Variants in CES5A observed in about 807,000 individuals in gnomAD.
CES5A encodes carboxylesterase 5A.
CES5A carries 67 observed loss-of-function variants against 62.9 expected under a neutral mutation model. The observed-to-expected ratio is 1.07, with a 90% CI of 0.88 to 1.31. The LOEUF (loss-of-function observed/expected upper bound fraction) is 1.31. Ranked by LOEUF, CES5A falls within the 50% of genes most tolerant of loss-of-function variation. The probability of loss-of-function intolerance (pLI) is 0.00; values close to 1 mark genes in which losing one functional copy is unlikely to be tolerated. For synonymous variants in CES5A, 296 were observed against 280.8 expected, an observed-to-expected ratio of 1.05 and a Z score of -0.54; for missense variants, 748 against 708.5, an observed-to-expected ratio of 1.06 and a Z score of -0.63.
rs2033241083 is a variant in CES5A, at chr16:55,856,291, C to A, written c.1125+86G>T. On this transcript the variant is annotated intron_variant, in intron 9 of 12. Coordinates refer to ENST00000290567, the MANE Select transcript of CES5A (RefSeq NM_001143685.2). The stretch of plus-strand genomic sequence containing the variant: ...CTGAGTGAGTGAGGAGTGTCTGTGC[C>A]CTTGGCTTCTCCTGCTGAGTGTGAC... 4.2e-6 allele frequency: 5 copies of A among 1,199,574 alleles called. No individual in the cohort carries two copies. The Admixed American group carries it at 6.8e-5, about 16-fold the overall frequency. 74.3% of individuals were successfully genotyped at this position (1,199,574 alleles called of 1,614,324 possible).
intron 1 of CES5A, among the ~76,000 whole-genome samples, chr16:55,918,604 G>T (rs1352969431): frequency 6.6e-6 from 1 of 152,038 alleles, no homozygotes; most frequent in Non-Finnish European, 1.5e-5. Context: ...TGTAATAAAG[G>T]GTGTGACTAT....
intron 1 of CES5A, among the ~76,000 whole-genome samples, chr16:55,911,217 G>A (rs1013013110): frequency 6.6e-6 from 1 of 152,100 alleles, no homozygotes; most frequent in Non-Finnish European, 1.5e-5. Flanking sequence ...CTGTGTCCCA[G>A]GTATATCTGT....
In CES5A at chr16:55,861,936, A is replaced by T. The variant is rs113828144; in HGVS notation, c.811-420T>A. 3.4e-3 allele frequency among the ~76,000 whole-genome samples: 518 copies of T among 152,232 alleles called. 7 individuals carry two copies. In the South Asian group the frequency reaches 0.035, roughly 10 times the overall value. The stretch of plus-strand genomic sequence containing the variant: ...GAGGAGCAGCTTTGGAAGCTCCTTC[A>T]TTGTCAGTACAGGCAGGACTCCAGA... On this transcript the variant is annotated intron_variant, in intron 6 of 12. Coordinates refer to ENST00000290567, the MANE Select transcript of CES5A (RefSeq NM_001143685.2).
intron 9 of CES5A, among the ~76,000 whole-genome samples, chr16:55,854,544 C>CTTTTTTTTCTTTTTTTTTTTTTTTTT (rs2033200676): frequency 1.6e-5 from 1 of 64,424 alleles, no homozygotes; most frequent in African/African-American, 7.0e-5. Flanking sequence ...TTTTTTTTTT[C>CTTTTTTTTCTTTTTTTTTTTTTTTTT]TTTTTTTTTT....
At chr16:55,850,595 G>A (rs1345649208) in intron 10 of CES5A, among the ~76,000 whole-genome samples, 7 of 152,202 alleles carry the variant, frequency 4.6e-5, no homozygotes, top group Admixed American at 3.3e-4. Context: ...TCCATTGTAA[G>A]TATATACTGA....
chr16:55,899,064 G>T (rs573368376), intron 1 of CES5A, among the ~76,000 whole-genome samples: 3 of 152,266 alleles, frequency 2.0e-5, no homozygotes, highest in Admixed American at 2.0e-4. Context: ...AACTCAGAAT[G>T]AATCCAAATA....
intron 1 of CES5A, among the ~76,000 whole-genome samples, chr16:55,916,584 C>G (rs141033281): frequency 6.6e-6 from 1 of 152,154 alleles, no homozygotes; most frequent in African/African-American, 2.4e-5. Flanking sequence ...CCACATGAGC[C>G]CCCTGGCTCT....
chr16:55,894,562 G>T (rs1274282179), intron 1 of CES5A, among the ~76,000 whole-genome samples: 1 of 151,584 alleles, frequency 6.6e-6, no homozygotes, highest in Non-Finnish European at 1.5e-5. Context: ...AGAGGATGTG[G>T]GTGACATCGA....
upstream of CES5A, among the ~76,000 whole-genome samples, chr16:55,928,616 G>A (rs191357998): frequency 3.0e-4 from 46 of 152,250 alleles, no homozygotes; most frequent in African/African-American, 8.4e-4. Flanking sequence ...AGAAGTAAAC[G>A]TCATTTTTAA....
At chr16:55,899,271 G>A (rs955376635) in intron 1 of CES5A, among the ~76,000 whole-genome samples, 9 of 152,260 alleles carry the variant, frequency 5.9e-5, no homozygotes, top group Middle Eastern at 3.4e-3. Context: ...AGATACAGGA[G>A]TCAAGAGCTT....
intron 2 of CES5A, among the ~76,000 whole-genome samples, chr16:55,930,672 T>C (rs896914378): frequency 4.6e-5 from 7 of 152,232 alleles, no homozygotes; most frequent in Non-Finnish European, 1.0e-4. Flanking sequence ...GTTCTCTTCA[T>C]GCTATGTGTT....
At chr16:55,889,178 C>A (rs1349197171) in intron 1 of CES5A, among the ~76,000 whole-genome samples, 1 of 152,056 alleles carries the variant, frequency 6.6e-6, no homozygotes, top group Non-Finnish European at 1.5e-5. Flanking sequence ...TTCTCATACA[C>A]CATTCAACGC....
chr16:55,883,989 C>T (rs950564608), intron 1 of CES5A, among the ~76,000 whole-genome samples: 1 of 152,226 alleles, frequency 6.6e-6, no homozygotes, highest in East Asian at 1.9e-4. Context: ...CTCTACATAG[C>T]AATGTCACTT....
chr16:55,894,898 GA>G (rs1471551100), intron 1 of CES5A, among the ~76,000 whole-genome samples: 2 of 152,192 alleles, frequency 1.3e-5, no homozygotes, highest in African/African-American at 4.8e-5. Context: ...ATCCTTGGGG[GA>G]AACAATAAAC....
At chr16:55,937,352 T>C (rs1318306282) in intron 2 of CES5A, among the ~76,000 whole-genome samples, 1 of 152,148 alleles carries the variant, frequency 6.6e-6, no homozygotes, top group East Asian at 1.9e-4. Flanking sequence ...CAGATTGTGC[T>C]TCAAGGCCTT....
intron 1 of CES5A, among the ~76,000 whole-genome samples, chr16:55,925,018 G>A (rs1437734325): frequency 2.6e-5 from 4 of 151,994 alleles, no homozygotes; most frequent in African/African-American, 9.7e-5. Flanking sequence ...TAGACAAATA[G>A]GATTAGATTA....
At chr16:55,902,205 C>T (rs948155443) in intron 1 of CES5A, among the ~76,000 whole-genome samples, 4 of 152,108 alleles carry the variant, frequency 2.6e-5, no homozygotes, top group Non-Finnish European at 4.4e-5. Context: ...ATGAGAAATG[C>T]GAACATTTAC....
At chr16:55,891,219 C>T (rs1389011202) in intron 1 of CES5A, among the ~76,000 whole-genome samples, 1 of 152,190 alleles carries the variant, frequency 6.6e-6, no homozygotes, top group Non-Finnish European at 1.5e-5. Context: ...GACACAGCTG[C>T]AGGAGCCACA....
At chr16:55,937,245 G>C (rs1403919766) in intron 2 of CES5A, among the ~76,000 whole-genome samples, 1 of 152,142 alleles carries the variant, frequency 6.6e-6, no homozygotes, top group African/African-American at 2.4e-5. Context: ...CCCTCCTGCT[G>C]AGACATAGCA....
Sources: gnomAD v4.1 joint callset for allele counts (sites outside exome capture counted in the v4.1 genomes callset) on GRCh38, gnomAD v4.1.1 for gene constraint, MANE v1.5 for transcripts, NCBI Gene and HGNC (gene_info 2026-07-23, HGNC 2026-07-21) for gene names.